The following CNN3 variants were observed in gnomAD, a reference collection of about 807,000 sequenced individuals.
The protein encoded by CNN3 is calponin 3, also known as calponin-3.
CNN3 carries 11 observed loss-of-function variants against 39.0 expected under a neutral mutation model. The observed-to-expected ratio is 0.28, with a 90% CI of 0.18 to 0.47. CNN3 has a LOEUF of 0.47. Among genes scored for constraint, CNN3 ranks in the 20% least tolerant of loss-of-function variants. The pLI is 0.99. For missense variants in CNN3, 266 were observed against 403.4 expected (o/e 0.66, Z 2.92); for synonymous variants, 101 against 138.3 (o/e 0.73, Z 1.89).
At chr1:94,916,304 G>A (rs185655280) in intron 1 of CNN3, among the ~76,000 whole-genome samples, 111 of 152,254 alleles carry the variant, frequency 7.3e-4, no homozygotes, top group African/African-American at 2.4e-3. Context: ...TACTCGGGAG[G>A]CTGAGGCAGG....
chr1:94,901,283 G>A (rs1670856359), intron 5 of CNN3, among the ~76,000 whole-genome samples: 1 of 151,706 alleles, frequency 6.6e-6, no homozygotes, highest in Middle Eastern at 3.4e-3. Flanking sequence ...GAACCCAGGA[G>A]GTGGAGGTTA....
chr1:94,923,355 C>T (rs1335216704), intron 1 of CNN3, among the ~76,000 whole-genome samples: 4 of 152,184 alleles, frequency 2.6e-5, no homozygotes, highest in African/African-American at 4.8e-5. Context: ...ACCGAACCAT[C>T]CCTACCAGTG....
intron 1 of CNN3, among the ~76,000 whole-genome samples, chr1:94,907,785 G>A (rs564704557): frequency 6.6e-5 from 10 of 152,328 alleles, no homozygotes; most frequent in South Asian, 2.1e-4. Flanking sequence ...GTGTGAACCC[G>A]GGAGGCGGGG....
chr1:94,905,696 T>C (rs533718877), intron 1 of CNN3, among the ~76,000 whole-genome samples: 1 of 152,240 alleles, frequency 6.6e-6, no homozygotes, highest in Non-Finnish European at 1.5e-5. Context: ...CGACTAACTT[T>C]GCAGTGTTTC....
Position 94,927,101 on chromosome 1 carries a change from G to C in CNN3, c.-207C>G. On this transcript the variant is annotated 5_prime_UTR_variant, in exon 1 of 7. Coordinates refer to ENST00000370206, the MANE Select transcript of CNN3 (RefSeq NM_001839.5). ...ACAGAGCCTCGAGCTCCGCTGCGAA[G>C]CACCCGGCTGCCTCGCTCGCCGCCC... 1 of 492,174 alleles carries C rather than the reference G, an allele frequency of 2.0e-6. No individual in the cohort carries two copies. Among genetic ancestry groups the C allele is most frequent in the Admixed American group, 4.2e-5 (1 of 23,898 alleles). The allele number at this position is 492,174 out of a possible 1,614,324, so 30.5% of individuals were successfully genotyped here.
intron 1 of CNN3, among the ~76,000 whole-genome samples, chr1:94,913,825 A>G (rs1490316140): frequency 6.6e-6 from 1 of 152,184 alleles, no homozygotes; most frequent in Non-Finnish European, 1.5e-5. Context: ...TTCCTGAGAG[A>G]TGGACTAGAA....
chr1:94,905,216 T>TA (rs1226733914), intron 1 of CNN3, among the ~76,000 whole-genome samples: 2 of 152,144 alleles, frequency 1.3e-5, no homozygotes, highest in African/African-American at 4.8e-5. Flanking sequence ...CGCTGAGTCT[T>TA]AAAAAACAGA....
At chr1:94,916,327 G>A (rs958466722) in intron 1 of CNN3, among the ~76,000 whole-genome samples, 3 of 152,074 alleles carry the variant, frequency 2.0e-5, no homozygotes, top group Non-Finnish European at 2.9e-5. Flanking sequence ...GATTGCTTGA[G>A]CCCAGGAGGT....
chr1:94,901,402 T>TAAAA (rs145821505), intron 5 of CNN3, among the ~76,000 whole-genome samples: 110 of 148,754 alleles, frequency 7.4e-4, no homozygotes, highest in African/African-American at 2.4e-3. Flanking sequence ...TTTTCTTTTT[T>TAAAA]AAAAAAAAAA....
chr1:94,899,616 C>T (rs1670813129), intron 5 of CNN3, 99 bp from the exon 6 acceptor site: 8 of 1,270,806 alleles, frequency 6.3e-6, no homozygotes, highest in Non-Finnish European at 7.6e-6. Flanking sequence ...AGAAGGGGCA[C>T]AACCGACAAG....
At chr1:94,900,478 T>A (rs970897987) in intron 5 of CNN3, among the ~76,000 whole-genome samples, 4 of 152,192 alleles carry the variant, frequency 2.6e-5, no homozygotes, top group Admixed American at 6.5e-5. Flanking sequence ...ATGATCTGAT[T>A]TTTTTCCCCC....
Position 94,927,029 on chromosome 1 carries a change from C to T in CNN3, c.-135G>A, listed in dbSNP as rs1392317977. ...CTCCTCTGGGAGGCGCAGGAGACGG[C>T]CGCGGGGCGCGGGCGGTGCCTGGGC... On this transcript the variant is annotated 5_prime_UTR_variant, in exon 1 of 7. Coordinates refer to ENST00000370206, the MANE Select transcript of CNN3 (RefSeq NM_001839.5). The T allele has an allele frequency of 3.1e-6, 3 of 962,640 alleles. No homozygotes were observed. Among genetic ancestry groups the T allele is most frequent in the Non-Finnish European group, 4.6e-6 (3 of 654,150 alleles). 59.6% of individuals were successfully genotyped at this position (962,640 alleles called of 1,614,324 possible).
At chr1:94,901,391 T>C (rs1670861799) in intron 5 of CNN3, among the ~76,000 whole-genome samples, 2 of 150,478 alleles carry the variant, frequency 1.3e-5, no homozygotes. Context: ...TAAAAGTGTA[T>C]TTTTCTTTTT....
At chr1:94,921,303 G>A (rs1671436203) in intron 1 of CNN3, among the ~76,000 whole-genome samples, 1 of 152,162 alleles carries the variant, frequency 6.6e-6, no homozygotes, top group African/African-American at 2.4e-5. Context: ...GCTAAGCCAG[G>A]AGAATTGCTT....
At position 94,919,062 on chromosome 1, in the gene CNN3, G is replaced by T. The variant is rs117726212; in HGVS notation, c.57+7776C>A. On this transcript the variant is annotated intron_variant, in intron 1 of 6. Transcript: ENST00000370206. ...GGTGTCACTAAAGAAGAAAAAGAAGGGGGGGAAGCTCAGAGATGAATAAAC... is the reference window on the plus strand; with the variant it reads ...GGTGTCACTAAAGAAGAAAAAGAAGTGGGGGAAGCTCAGAGATGAATAAAC... 4.2e-4 allele frequency among the ~76,000 whole-genome samples: 64 copies of T among 152,216 alleles called. 1 individual carries two copies. In the East Asian group the frequency reaches 0.011, roughly 27 times the overall value.
chr1:94,902,942 C>G (rs968604641), intron 3 of CNN3, among the ~76,000 whole-genome samples, 180 bp downstream of exon 3: 8 of 151,374 alleles, frequency 5.3e-5, no homozygotes, highest in Non-Finnish European at 1.0e-4. Context: ...ATTACAGAAC[C>G]ATTACAAAAG....
intron 1 of CNN3, among the ~76,000 whole-genome samples, chr1:94,911,649 G>A (rs1385892932): frequency 1.3e-5 from 2 of 152,158 alleles, no homozygotes; most frequent in African/African-American, 4.8e-5. Flanking sequence ...CACACCTGTG[G>A]TTCCAGCAAC....
At chr1:94,902,065 A>G (rs1292601489) in intron 4 of CNN3, 56 bp downstream of exon 4, 8 of 1,462,328 alleles carry the variant, frequency 5.5e-6, no homozygotes, top group African/African-American at 1.4e-5. Context: ...CAATGATGCA[A>G]TTCATCACCA....
chr1:94,898,169 A>G (rs542618712), intron 6 of CNN3, 86 bp from the exon 7 acceptor site: 1 of 1,313,958 alleles, frequency 7.6e-7, no homozygotes, highest in East Asian at 2.4e-5. Context: ...ATTCACATTG[A>G]ATATGAACAG....
Sources: gnomAD v4.1 joint callset for allele counts (sites outside exome capture counted in the v4.1 genomes callset) on GRCh38, gnomAD v4.1.1 for gene constraint, MANE v1.5 for transcripts, NCBI Gene and HGNC (gene_info 2026-07-23, HGNC 2026-07-21) for gene names.